The following RSRC1 variants were observed in gnomAD, a reference collection of about 807,000 sequenced individuals.
RSRC1 encodes the protein arginine and serine rich coiled-coil 1.
RSRC1 carries 39 observed loss-of-function variants against 49.1 expected under a neutral mutation model. The observed-to-expected ratio is 0.79, with a 90% CI of 0.61 to 1.04. The LOEUF is 1.04. RSRC1 is among the 50% of genes least tolerant of loss of function. RSRC1 has a pLI of 0.00. For synonymous variants in RSRC1, 143 were observed against 130.8 expected, an observed-to-expected ratio of 1.09 and a Z score of -0.63; for missense variants, 388 against 402.4, an observed-to-expected ratio of 0.96 and a Z score of 0.31.
chr3:158,149,546 A>G (rs1273913288), intron 3 of RSRC1, among the ~76,000 whole-genome samples: 1 of 152,210 alleles, frequency 6.6e-6, no homozygotes, highest in Admixed American at 6.5e-5. Context: ...TGAAATTCTT[A>G]AAGGTGAATA....
intron 5 of RSRC1, among the ~76,000 whole-genome samples, chr3:158,336,962 G>A (rs1173844707): frequency 6.6e-6 from 1 of 152,180 alleles, no homozygotes; most frequent in African/African-American, 2.4e-5. Context: ...ATGAAATCAG[G>A]GAGCCCGGCA....
chr3:158,112,068 A>G (rs1399324603), intron 1 of RSRC1, among the ~76,000 whole-genome samples: 2 of 152,186 alleles, frequency 1.3e-5, no homozygotes, highest in African/African-American at 2.4e-5. Flanking sequence ...CCACGAGGCT[A>G]CAACCAGGAA....
chr3:158,423,377 A>G (rs1363203027), intron 6 of RSRC1, among the ~76,000 whole-genome samples: 2 of 152,072 alleles, frequency 1.3e-5, no homozygotes, highest in African/African-American at 4.8e-5. Context: ...GTCAAAGATC[A>G]GATAGTTGTA....
chr3:158,243,999 G>T (rs1723743738), intron 4 of RSRC1, among the ~76,000 whole-genome samples: 1 of 144,012 alleles, frequency 6.9e-6, no homozygotes, highest in Non-Finnish European at 1.5e-5. Context: ...TGCAAGCAAA[G>T]ATAGTTTGAG....
chr3:158,211,390 G>T (rs567525666), intron 4 of RSRC1, among the ~76,000 whole-genome samples: 68 of 151,976 alleles, frequency 4.5e-4, no homozygotes, highest in African/African-American at 1.6e-3. Context: ...TAAGTGAGAC[G>T]TTACAAGTAG....
chr3:158,436,175 C>T (rs1003697790), intron 6 of RSRC1, among the ~76,000 whole-genome samples: 4 of 151,792 alleles, frequency 2.6e-5, no homozygotes, highest in African/African-American at 7.3e-5. Flanking sequence ...AGTAAGATAT[C>T]GGACCTCAAG....
At chr3:158,469,053 A>C (rs1261681109) in intron 7 of RSRC1, among the ~76,000 whole-genome samples, 1 of 152,082 alleles carries the variant, frequency 6.6e-6, no homozygotes, top group Non-Finnish European at 1.5e-5. Context: ...TATGAAGGAG[A>C]GAATATATCA....
intron 6 of RSRC1, among the ~76,000 whole-genome samples, chr3:158,410,380 T>C (rs1395039105): frequency 6.6e-6 from 1 of 152,220 alleles, no homozygotes; most frequent in Non-Finnish European, 1.5e-5. Context: ...TTAAACTTTA[T>C]ATCTCAGTGA....
At chr3:158,447,968 T>C (rs990274585) in intron 6 of RSRC1, among the ~76,000 whole-genome samples, 3 of 151,898 alleles carry the variant, frequency 2.0e-5, no homozygotes, top group African/African-American at 7.2e-5. Context: ...ATTGATAGAA[T>C]GTTTGGAGTT....
intron 6 of RSRC1, among the ~76,000 whole-genome samples, chr3:158,459,682 A>G (rs1737518338): frequency 6.6e-6 from 1 of 152,030 alleles, no homozygotes; most frequent in African/African-American, 2.4e-5. Flanking sequence ...GTTTGTTTTT[A>G]TTATCTAATT....
intron 6 of RSRC1, among the ~76,000 whole-genome samples, chr3:158,361,393 C>T (rs1731461814): frequency 6.6e-6 from 1 of 152,154 alleles, no homozygotes; most frequent in Non-Finnish European, 1.5e-5. Flanking sequence ...GCCACAGAGG[C>T]TCTGGGCCTT....
intron 3 of RSRC1, among the ~76,000 whole-genome samples, chr3:158,186,570 G>A (rs1221264254): frequency 6.6e-6 from 1 of 151,970 alleles, no homozygotes; most frequent in Non-Finnish European, 1.5e-5. Context: ...ACTGATGAGT[G>A]ATGCCAAGCA....
In RSRC1 at chr3:158,120,111, G is replaced by C. The variant is rs146069036; in HGVS notation, c.-2-1992G>C. Reference sequence around the variant, plus strand: ...CCCAAAGTGCTGGGATTACAGGCGTGAGCCACTGCACCTGGCCACTTTCAT... The same window carrying C: ...CCCAAAGTGCTGGGATTACAGGCGTCAGCCACTGCACCTGGCCACTTTCAT... On this transcript the variant is annotated intron_variant, in intron 1 of 9. Transcript: ENST00000611884. Among the ~76,000 whole-genome samples the C allele has an allele frequency of 5.0e-3, 759 of 152,284 alleles. 6 individuals are homozygous for C. The highest frequency in any genetic ancestry group is 0.018 in the African/African-American group (739 of 41,556).
intron 3 of RSRC1, among the ~76,000 whole-genome samples, chr3:158,133,557 A>G (rs1559912964): frequency 6.6e-6 from 1 of 152,250 alleles, no homozygotes; most frequent in Non-Finnish European, 1.5e-5. Flanking sequence ...TTTGCTTAAT[A>G]ACATTTTGCC....
intron 5 of RSRC1, among the ~76,000 whole-genome samples, chr3:158,325,569 TTC>T: frequency 6.6e-6 from 1 of 152,230 alleles, no homozygotes; most frequent in East Asian, 1.9e-4. Context: ...GAGGGCTCTA[TTC>T]TGTTCCATTG....
chr3:158,495,387 C>T (rs1413759999), intron 7 of RSRC1, among the ~76,000 whole-genome samples: 16 of 152,070 alleles, frequency 1.1e-4, no homozygotes, highest in Admixed American at 1.0e-3. Flanking sequence ...TGGGTTCAAG[C>T]AATTCTCCCA....
chr3:158,221,218 G>T (rs537062619), intron 4 of RSRC1, among the ~76,000 whole-genome samples: 12 of 151,522 alleles, frequency 7.9e-5, no homozygotes, highest in Non-Finnish European at 1.5e-4. Flanking sequence ...ATAATAAATA[G>T]CAAGAAGAAA....
intron 3 of RSRC1, among the ~76,000 whole-genome samples, chr3:158,168,813 T>G (rs1159330132): frequency 6.6e-6 from 1 of 152,114 alleles, no homozygotes; most frequent in East Asian, 1.9e-4. Flanking sequence ...CTTAAAACCA[T>G]TTTGGGGTAC....
At chr3:158,263,317 G>A (rs1437524496) in intron 4 of RSRC1, among the ~76,000 whole-genome samples, 1 of 151,962 alleles carries the variant, frequency 6.6e-6, no homozygotes, top group Non-Finnish European at 1.5e-5. Context: ...TTAATATGGG[G>A]AACTACATTG....
Sources: gnomAD v4.1 joint callset for allele counts (sites outside exome capture counted in the v4.1 genomes callset) on GRCh38, gnomAD v4.1.1 for gene constraint, MANE v1.5 for transcripts, NCBI Gene and HGNC (gene_info 2026-07-23, HGNC 2026-07-21) for gene names.